EPC2: variants seen among roughly 807,000 people sequenced by gnomAD.
EPC2 encodes the protein enhancer of polycomb 2.
A neutral mutation model predicts 92.1 loss-of-function variants in EPC2; 14 were observed. The ratio of observed to expected loss-of-function variants is 0.15; its 90% CI spans 0.10 to 0.24. The LOEUF is 0.24. Among genes scored for constraint, EPC2 ranks in the 10% least tolerant of loss-of-function variants. EPC2 has a pLI of 1.00. For synonymous variants in EPC2, 340 were observed against 334.7 expected, an observed-to-expected ratio of 1.02 and a Z score of -0.17; for missense variants, 755 against 971.5, an observed-to-expected ratio of 0.78 and a Z score of 2.96.
intron 2 of EPC2, among the ~76,000 whole-genome samples, chr2:148,700,312 T>G (rs1681846360): frequency 6.6e-6 from 1 of 152,214 alleles, no homozygotes; most frequent in African/African-American, 2.4e-5. Context: ...CCAAGGTCCC[T>G]GAGATTTTCT....
chr2:148,663,496 G>A (rs1680989429), intron 1 of EPC2, among the ~76,000 whole-genome samples: 1 of 151,146 alleles, frequency 6.6e-6, no homozygotes, highest in Non-Finnish European at 1.5e-5. Flanking sequence ...GGGATTACAG[G>A]CGTGAGCCAC....
chr2:148,700,987 T>G (rs768772542), intron 2 of EPC2, among the ~76,000 whole-genome samples: 4 of 152,198 alleles, frequency 2.6e-5, no homozygotes, highest in Non-Finnish European at 4.4e-5. Context: ...TCTGCATGTT[T>G]TGTTAGATTG....
chr2:148,721,371 T>G (rs888071392), intron 2 of EPC2, among the ~76,000 whole-genome samples: 2 of 152,252 alleles, frequency 1.3e-5, no homozygotes, highest in South Asian at 2.1e-4. Context: ...CACTCCATGC[T>G]GTTCTTACTT....
At position 148,786,471 on chromosome 2, in the gene EPC2, TAACAA is replaced by T; in HGVS notation, c.*95_*99del. On this transcript the variant is annotated 3_prime_UTR_variant, in exon 14 of 14. Coordinates refer to ENST00000258484, the MANE Select transcript of EPC2 (RefSeq NM_015630.4). ...GCAACACTCTGTGGATCACAGAGTG[TAACAA>T]TGGACCTAAATGGACTATAGTATAT... The T allele has an allele frequency of 1.4e-5, 14 of 975,652 alleles. No individual in the cohort carries two copies. Among genetic ancestry groups the T allele is most frequent in the Non-Finnish European group, 1.9e-5 (12 of 628,146 alleles). 60.4% of individuals were successfully genotyped at this position (975,652 alleles called of 1,614,324 possible). A position where few individuals can be genotyped will look rare whatever the true frequency, so the allele number is the denominator to read the frequency against.
intron 2 of EPC2, among the ~76,000 whole-genome samples, chr2:148,693,788 T>A (rs1328217319): frequency 6.6e-6 from 1 of 152,204 alleles, no homozygotes; most frequent in Non-Finnish European, 1.5e-5. Context: ...AGCCTTTTAC[T>A]TCTCAACTTG....
intron 13 of EPC2, among the ~76,000 whole-genome samples, chr2:148,785,958 T>C (rs1182978461): frequency 1.3e-5 from 2 of 152,178 alleles, no homozygotes; most frequent in African/African-American, 2.4e-5. Flanking sequence ...ATTATTCTTT[T>C]TGAGTGTCAT....
intron 2 of EPC2, among the ~76,000 whole-genome samples, chr2:148,706,717 C>T (rs577111436): frequency 8.5e-4 from 129 of 152,184 alleles, no homozygotes; most frequent in African/African-American, 3.1e-3. Flanking sequence ...AACAGAATTT[C>T]CAACCCAGAA....
At chr2:148,683,348 A>G (rs1340699908) in intron 1 of EPC2, among the ~76,000 whole-genome samples, 2 of 150,956 alleles carry the variant, frequency 1.3e-5, no homozygotes, top group Admixed American at 1.3e-4. Context: ...GCTCACTGCA[A>G]CCTCCACCTC....
intron 1 of EPC2, among the ~76,000 whole-genome samples, chr2:148,688,267 G>T (rs1458269987): frequency 6.6e-6 from 1 of 152,158 alleles, no homozygotes; most frequent in Non-Finnish European, 1.5e-5. Flanking sequence ...GTAGGGACAT[G>T]GATGAAGCTG....
At chr2:148,778,311 T>C (rs558275536) in intron 10 of EPC2, among the ~76,000 whole-genome samples, 8 of 152,276 alleles carry the variant, frequency 5.3e-5, no homozygotes, top group African/African-American at 1.9e-4. Context: ...TTGCCCATGG[T>C]GCCACGATCA....
In EPC2 at chr2:148,786,822, A is replaced by G. The variant is rs1683876865; in HGVS notation, c.*445A>G. 6.5e-6 allele frequency: 1 copy of G among 152,934 alleles called. No homozygotes were observed. Among genetic ancestry groups the G allele is most frequent in the Admixed American group, 6.5e-5 (1 of 15,300 alleles). The allele number at this position is 152,934 out of a possible 1,614,324, so 9.5% of individuals were successfully genotyped here. A position where few individuals can be genotyped will look rare whatever the true frequency, so the allele number is the denominator to read the frequency against. ...ATAGCTAGGAAATGAAATTCTTGTA[A>G]TTTTTTTCTAAAGGAACTGTAAAGT... On this transcript the variant is annotated 3_prime_UTR_variant, in exon 14 of 14. Coordinates refer to ENST00000258484, the MANE Select transcript of EPC2 (RefSeq NM_015630.4).
At chr2:148,765,878 CA>C (rs933083573) in intron 7 of EPC2, among the ~76,000 whole-genome samples, 1 of 145,456 alleles carries the variant, frequency 6.9e-6, no homozygotes, top group Non-Finnish European at 1.5e-5. Context: ...TCTACTAAAA[CA>C]AAAAAAATCA....
Position 148,672,990 on chromosome 2 carries a change from C to G in EPC2, c.154-17224C>G, listed in dbSNP as rs114130957. On this transcript the variant is annotated intron_variant, in intron 1 of 13. Transcript: ENST00000258484. Reference sequence around the variant, plus strand: ...CATTCTGTTCTGACAGTTTTTTTCTCTCAGTCCTTTGGATATATTACTCTG... The same window carrying G: ...CATTCTGTTCTGACAGTTTTTTTCTGTCAGTCCTTTGGATATATTACTCTG... Among the ~76,000 whole-genome samples, 770 of 152,210 alleles carry G rather than the reference C, an allele frequency of 5.1e-3. 12 individuals carry two copies. The highest frequency in any genetic ancestry group is 0.018 in the African/African-American group (754 of 41,546).
chr2:148,763,674 A>T (rs980940118), intron 6 of EPC2, among the ~76,000 whole-genome samples: 2 of 152,198 alleles, frequency 1.3e-5, no homozygotes, highest in Non-Finnish European at 2.9e-5. Context: ...TTAAAACACT[A>T]AAGTTCTTTC....
At chr2:148,659,107 A>AG (rs1480084475) in intron 1 of EPC2, among the ~76,000 whole-genome samples, 1 of 152,192 alleles carries the variant, frequency 6.6e-6, no homozygotes, top group African/African-American at 2.4e-5. Context: ...TTATGGCAGA[A>AG]TAAAAACAAT....
At chr2:148,693,945 G>A (rs549404002) in intron 2 of EPC2, among the ~76,000 whole-genome samples, 2 of 152,172 alleles carry the variant, frequency 1.3e-5, no homozygotes, top group South Asian at 2.1e-4. Context: ...GTGATTGTTT[G>A]CCCTCTGTTG....
intron 2 of EPC2, among the ~76,000 whole-genome samples, chr2:148,701,067 T>C (rs1681876923): frequency 6.6e-6 from 1 of 152,180 alleles, no homozygotes; most frequent in Non-Finnish European, 1.5e-5. Context: ...AAATACCGAG[T>C]GTTCATTTTT....
At chr2:148,776,495 C>G (rs1391968166) in intron 10 of EPC2, among the ~76,000 whole-genome samples, 4 of 152,108 alleles carry the variant, frequency 2.6e-5, no homozygotes, top group Non-Finnish European at 5.9e-5. Context: ...GTAAGAGTTA[C>G]ATTTGTAAGA....
intron 1 of EPC2, among the ~76,000 whole-genome samples, chr2:148,677,628 T>C (rs1261159939): frequency 6.6e-6 from 1 of 152,226 alleles, no homozygotes; most frequent in East Asian, 1.9e-4. Flanking sequence ...ACTTCAAGAA[T>C]GAAGCCGTGG....
Sources: allele counts gnomAD v4.1 joint callset (sites outside exome capture counted in the v4.1 genomes callset), GRCh38; gene constraint gnomAD v4.1.1; transcripts MANE v1.5; gene names NCBI Gene and HGNC (gene_info 2026-07-23, HGNC 2026-07-21).